CAMK4: variants seen among roughly 807,000 people sequenced by gnomAD.
CAMK4 encodes the protein calcium/calmodulin-dependent protein kinase type IV.
Under a neutral mutation model 44.9 loss-of-function variants are expected in CAMK4, and 22 were observed. The observed-to-expected ratio is 0.49, with a 90% CI of 0.35 to 0.70. The LOEUF (loss-of-function observed/expected upper bound fraction) is 0.70, where lower values mean the gene tolerates loss of function less well. Ranked by LOEUF, CAMK4 falls within the 30% of genes least tolerant of loss-of-function variation. The pLI, the probability that CAMK4 is intolerant of heterozygous loss-of-function variation, is 0.01. For synonymous variants in CAMK4, 218 were observed against 215.4 expected, an observed-to-expected ratio of 1.01 and a Z score of -0.11; for missense variants, 498 against 586.8, an observed-to-expected ratio of 0.85 and a Z score of 1.56.
intron 5 of CAMK4, among the ~76,000 whole-genome samples, chr5:111,431,289 G>A (rs928649649): frequency 2.0e-5 from 3 of 152,096 alleles, no homozygotes; most frequent in Admixed American, 2.0e-4. Context: ...AAATTGTTCT[G>A]GGAAAACTGG....
chr5:111,271,617 C>T (rs777468039), intron 1 of CAMK4, among the ~76,000 whole-genome samples: 15 of 152,280 alleles, frequency 9.9e-5, no homozygotes, highest in Non-Finnish European at 2.1e-4. Context: ...TAGGTGGGAG[C>T]ATCTCTTAGA....
At chr5:111,358,890 C>T (rs1368214301) in intron 2 of CAMK4, among the ~76,000 whole-genome samples, 1 of 152,020 alleles carries the variant, frequency 6.6e-6, no homozygotes, top group African/African-American at 2.4e-5. Context: ...CATCCATGTT[C>T]CTGCAAAGGA....
intron 5 of CAMK4, among the ~76,000 whole-genome samples, chr5:111,415,659 GA>G (rs2112904517): frequency 6.6e-6 from 1 of 152,058 alleles, no homozygotes; most frequent in East Asian, 1.9e-4. Context: ...CAGATAAAGG[GA>G]ACTAGTATGT....
At position 111,484,030 on chromosome 5, in the gene CAMK4, CG is replaced by C; in HGVS notation, c.988del (p.Val330Ter). The C allele has an allele frequency of 6.4e-7, 1 of 1,571,668 alleles. No homozygotes were observed. The highest frequency in any genetic ancestry group is 8.6e-7 in the Non-Finnish European group (1 of 1,158,944). ...EFNARRKLKAAVKAVVASSRL... is the reference protein window; with the variant it reads ...EFNARRKLKAXVKAVVASSRL... ...CACTCTTCTGTTTCCAATCAGGCAG[CG>C]GTGAAGGCTGTGGTGGCCTCTTCGC... On this transcript the variant is annotated frameshift_variant, in exon 11 of 11. Transcript: ENST00000282356. LOFTEE classifies it low-confidence loss of function (END_TRUNC). This position sits in a 1 kb window ranked among gnomAD's most constrained non-coding sequence, Gnocchi z 5.3.
intron 1 of CAMK4, among the ~76,000 whole-genome samples, chr5:111,315,605 TG>T (rs937301901): frequency 7.9e-5 from 12 of 152,330 alleles, no homozygotes; most frequent in African/African-American, 2.6e-4. Context: ...TCATTTTTTT[TG>T]TATATAAAGG....
At chr5:111,451,680 G>A (rs1263160212) in intron 7 of CAMK4, among the ~76,000 whole-genome samples, 23 of 152,078 alleles carry the variant, frequency 1.5e-4, no homozygotes. Context: ...GAAATGAGAG[G>A]ATTGCTTGAG....
intron 7 of CAMK4, among the ~76,000 whole-genome samples, chr5:111,458,121 A>G (rs1460362507): frequency 6.6e-6 from 1 of 152,186 alleles, no homozygotes; most frequent in Admixed American, 6.5e-5. Flanking sequence ...CCTCCTGACC[A>G]TAGCCCTACT....
chr5:111,238,283 C>T (rs1033585810), intron 1 of CAMK4, among the ~76,000 whole-genome samples: 79 of 152,160 alleles, frequency 5.2e-4, no homozygotes, highest in Non-Finnish European at 1.3e-4. Context: ...GTTTATTCCT[C>T]CAAAGGCATG....
intron 5 of CAMK4, among the ~76,000 whole-genome samples, chr5:111,406,195 TC>T (rs1752420800): frequency 5.3e-4 from 1 of 1,894 alleles, no homozygotes; most frequent in Non-Finnish European, 1.1e-3. Context: ...TAATTTATTT[TC>T]TCTCTCTCTC....
At chr5:111,357,226 A>T (rs1197151160) in intron 2 of CAMK4, among the ~76,000 whole-genome samples, 1 of 152,092 alleles carries the variant, frequency 6.6e-6, no homozygotes, top group African/African-American at 2.4e-5. Flanking sequence ...TAGAAGCAGG[A>T]GTTTAAGAAC....
chr5:111,346,439 T>C (rs76010085), intron 2 of CAMK4, among the ~76,000 whole-genome samples: 72 of 151,890 alleles, frequency 4.7e-4, no homozygotes, highest in Non-Finnish European at 8.7e-4. Flanking sequence ...GTTTCTTCAG[T>C]CCTCATTTTA....
intron 5 of CAMK4, among the ~76,000 whole-genome samples, chr5:111,444,167 G>C (rs985645846): frequency 4.6e-5 from 7 of 152,160 alleles, no homozygotes; most frequent in African/African-American, 1.7e-4. Flanking sequence ...TAGGCAAGAC[G>C]TATGTGCTCT....
chr5:111,285,008 A>G (rs750588971), intron 1 of CAMK4, among the ~76,000 whole-genome samples: 2 of 152,230 alleles, frequency 1.3e-5, no homozygotes, highest in Non-Finnish European at 2.9e-5. Context: ...GAAATACTGG[A>G]TGATTTCTAA....
Position 111,482,404 on chromosome 5 carries a change from T to C in CAMK4, c.829-381T>C, listed in dbSNP as rs1393825684. On this transcript the variant is annotated intron_variant, in intron 9 of 10. Coordinates refer to ENST00000282356, the MANE Select transcript of CAMK4 (RefSeq NM_001744.6). This position sits in a 1 kb window ranked among gnomAD's most constrained non-coding sequence, Gnocchi z 4.9. ...TGATGATGCATGAATGATTCCATTCTGTTACCATAGAGATGTACTTTAAGT... is the reference window on the plus strand; with the variant it reads ...TGATGATGCATGAATGATTCCATTCCGTTACCATAGAGATGTACTTTAAGT... 6 of 158,970 alleles carry C rather than the reference T, an allele frequency of 3.8e-5. 1 individual carries two copies. The East Asian group carries it at 1.1e-3, about 29-fold the overall frequency. 9.8% of individuals were successfully genotyped at this position (158,970 alleles called of 1,614,324 possible).
chr5:111,252,440 G>T (rs76328328), intron 1 of CAMK4, among the ~76,000 whole-genome samples: 1 of 152,234 alleles, frequency 6.6e-6, no homozygotes, highest in East Asian at 1.9e-4. Flanking sequence ...GATATGACCA[G>T]CATTTTCTTA....
At chr5:111,423,784 C>G (rs1753115354) in intron 5 of CAMK4, among the ~76,000 whole-genome samples, 1 of 152,164 alleles carries the variant, frequency 6.6e-6, no homozygotes, top group South Asian at 2.1e-4. Context: ...ATGTGTGACT[C>G]AAGACCTAAC....
intron 1 of CAMK4, among the ~76,000 whole-genome samples, chr5:111,296,498 T>A (rs1425514683): frequency 1.3e-5 from 2 of 152,218 alleles, no homozygotes; most frequent in African/African-American, 4.8e-5. Context: ...ATCTTTGCTG[T>A]CAGTTGATTT....
chr5:111,398,710 A>G (rs1288041287), intron 5 of CAMK4, among the ~76,000 whole-genome samples: 1 of 152,178 alleles, frequency 6.6e-6, no homozygotes, highest in Non-Finnish European at 1.5e-5. Context: ...CAGTAGGTGT[A>G]TATTCCTGAT....
chr5:111,261,087 T>G (rs1749953794), intron 1 of CAMK4, among the ~76,000 whole-genome samples: 1 of 152,160 alleles, frequency 6.6e-6, no homozygotes, highest in African/African-American at 2.4e-5. Context: ...AGAATGCCCT[T>G]TCTCATATCT....
Sources: gnomAD v4.1 joint callset for allele counts (sites outside exome capture counted in the v4.1 genomes callset) on GRCh38, gnomAD v4.1.1 for gene constraint, Gnocchi (gnomAD v3.1) non-coding constraint, MANE v1.5 for transcripts, NCBI Gene and HGNC (gene_info 2026-07-23, HGNC 2026-07-21) for gene names.